Variants in LINGO1 observed in about 807,000 individuals in gnomAD.
LINGO1 encodes leucine rich repeat and Ig domain containing 1, also known as leucine-rich repeat and immunoglobulin-like domain-containing nogo receptor-interacting protein 1.
LINGO1 carries 11 observed loss-of-function variants against 37.3 expected under a neutral mutation model. The observed-to-expected ratio is 0.29, with a 90% CI of 0.19 to 0.49. The LOEUF is 0.49. Among genes scored for constraint, LINGO1 ranks in the 20% least tolerant of loss-of-function variants. The probability of loss-of-function intolerance (pLI) is 0.99; values close to 1 mark genes in which losing one functional copy is unlikely to be tolerated. For missense variants in LINGO1, 585 were observed against 878.2 expected, an observed-to-expected ratio of 0.67 and a Z score of 4.22; for synonymous variants, 387 against 403.0, an observed-to-expected ratio of 0.96 and a Z score of 0.48.
Position 77,614,155 on chromosome 15 carries a change from C to T in LINGO1, c.1752G>A (p.Arg584=), listed in dbSNP as rs372047736. Residue 584 remains arginine, a synonymous_variant, in exon 2 of 2, where the codon CGG becomes CGA. Coordinates refer to ENST00000355300, the MANE Select transcript of LINGO1 (RefSeq NM_032808.7). ...FCLVLLFLWS[R]GKGNTKHNIE... is the part of the protein sequence containing the mutation. ...TGTTGTGCTTTGTGTTGCCCTTGCCCCGGCTCCAGAGAAACAGCAGCACCA... is the reference window on the plus strand; with the variant it reads ...TGTTGTGCTTTGTGTTGCCCTTGCCTCGGCTCCAGAGAAACAGCAGCACCA... The T allele has an allele frequency of 1.7e-5, 28 of 1,613,858 alleles. No individual in the cohort carries two copies. Among genetic ancestry groups the T allele is most frequent in the Non-Finnish European group, 2.2e-5 (26 of 1,179,898 alleles).
At chr15:77,640,976 G>A (rs948894757) in intron 3 of LINGO1, among the ~76,000 whole-genome samples, 3 of 152,216 alleles carry the variant, frequency 2.0e-5, no homozygotes, top group Non-Finnish European at 4.4e-5. Context: ...GGGTGGGGCT[G>A]CACACACACA....
At chr15:77,791,840 G>A (rs766141922), upstream of LINGO1, among the ~76,000 whole-genome samples, 9 of 152,130 alleles carry the variant, frequency 5.9e-5, no homozygotes, top group Non-Finnish European at 1.2e-4. Flanking sequence ...GGGAGGAGCA[G>A]CTGGGAGGGC....
At chr15:77,779,207 A>G (rs75601117) in intron 1 of LINGO1, among the ~76,000 whole-genome samples, 1,862 of 152,042 alleles carry the variant, frequency 0.012, 39 homozygotes, top group African/African-American at 0.043. Flanking sequence ...TCTCCTTGAC[A>G]TGATCACTAC....
At chr15:77,714,944 G>A (rs974692543) in intron 2 of LINGO1, among the ~76,000 whole-genome samples, 1 of 152,202 alleles carries the variant, frequency 6.6e-6, no homozygotes, top group Admixed American at 6.5e-5. Context: ...TAGCCATAAC[G>A]TGCTAAAATT....
Position 77,794,580 on chromosome 15 carries a change from ATATATATATATTTTTT to A in LINGO1, c.-343+1343_-343+1358del, listed in dbSNP as rs1416903577. ...TATATATACACACACACATATATAT[ATATATATATATTTTTT>A]TTTTTTTTTGAGACGGAGTCTCGCT... On this transcript the variant is annotated intron_variant, in intron 2 of 5. Transcript: ENST00000562933. Among the ~76,000 whole-genome samples the A allele has an allele frequency of 1.4e-3, 38 of 26,732 alleles. 1 individual carries two copies. The highest frequency in any genetic ancestry group is 3.3e-3 in the Admixed American group (4 of 1,210). The allele number at this position is 26,732 out of a possible 152,430, so 17.5% of individuals were successfully genotyped here. A position where few individuals can be genotyped will look rare whatever the true frequency, so the allele number is the denominator to read the frequency against.
At chr15:77,736,155 TTAAC>T (rs1005205026) in intron 1 of LINGO1, among the ~76,000 whole-genome samples, 7 of 152,166 alleles carry the variant, frequency 4.6e-5, no homozygotes, top group East Asian at 1.9e-4. Flanking sequence ...GCATGAAACT[TTAAC>T]TGTGCATTTG....
At chr15:77,659,717 G>T (rs1264389562) in intron 3 of LINGO1, among the ~76,000 whole-genome samples, 1 of 152,196 alleles carries the variant, frequency 6.6e-6, no homozygotes, top group Non-Finnish European at 1.5e-5. Flanking sequence ...TCATTACCAT[G>T]GGGGGCTGGA....
upstream of LINGO1, among the ~76,000 whole-genome samples, chr15:77,638,441 C>G (rs1051663228): frequency 1.3e-5 from 2 of 152,214 alleles, no homozygotes; most frequent in African/African-American, 4.8e-5. Context: ...AGATCACTCC[C>G]TGGCTCCATG....
intron 1 of LINGO1, among the ~76,000 whole-genome samples, chr15:77,748,929 TTGGA>T (rs2076343693): frequency 7.4e-6 from 1 of 135,378 alleles, no homozygotes; most frequent in African/African-American, 2.7e-5. Context: ...TTTTTTTTTT[TTGGA>T]GTCTCGCTCT....
chr15:77,675,543 T>C (rs1366293593), intron 3 of LINGO1, among the ~76,000 whole-genome samples: 1 of 152,194 alleles, frequency 6.6e-6, no homozygotes, highest in Non-Finnish European at 1.5e-5. Context: ...TATGAGCCCA[T>C]GTTTTTCCTT....
chr15:77,719,104 G>A (rs1278696399), intron 2 of LINGO1, among the ~76,000 whole-genome samples: 3 of 150,130 alleles, frequency 2.0e-5, no homozygotes, highest in African/African-American at 4.8e-5. Flanking sequence ...TGGGGCCTCC[G>A]GGAGGGGGCC....
At chr15:77,621,739 T>G (rs1203617548) in intron 1 of LINGO1, among the ~76,000 whole-genome samples, 1 of 152,198 alleles carries the variant, frequency 6.6e-6, no homozygotes, top group Non-Finnish European at 1.5e-5. Context: ...GTACTCAGTG[T>G]TTTTCCACCA....
At chr15:77,664,170 T>TGTGTGCGCGCGCGTGCGC in intron 3 of LINGO1, among the ~76,000 whole-genome samples, 97 of 131,002 alleles carry the variant, frequency 7.4e-4, no homozygotes, top group Middle Eastern at 3.6e-3. Context: ...TGTGTGTGTG[T>TGTGTGCGCGCGCGTGCGC]GCGCGCGCGC....
chr15:77,646,251 C>G (rs1279980472), intron 3 of LINGO1: 1 of 297,658 alleles, frequency 3.4e-6, no homozygotes, highest in East Asian at 1.0e-4. Flanking sequence ...TGTGTCTGGT[C>G]CAGGCATTGT....
At chr15:77,650,565 G>A (rs916588488) in intron 3 of LINGO1, among the ~76,000 whole-genome samples, 1 of 152,128 alleles carries the variant, frequency 6.6e-6, no homozygotes, top group African/African-American at 2.4e-5. Context: ...GTTCAATCTA[G>A]GCAGGACCCT....
In LINGO1 at chr15:77,774,442, A is replaced by G. The variant is rs2076616827; in HGVS notation, c.-257+12427T>C. On this transcript the variant is annotated intron_variant, in intron 1 of 3. Coordinates refer to the LINGO1 transcript ENST00000561686. ...ATTCCACTCCCAGCCCCCAGACACC[A>G]CAAGCAGCGGGGCACCCTACAGGAG... Among the ~76,000 whole-genome samples, 3 of 152,092 alleles carry G rather than the reference A, an allele frequency of 2.0e-5. No individual in the cohort carries two copies. The South Asian group carries it at 6.3e-4, about 32-fold the overall frequency.
At chr15:77,619,098 G>C (rs190280047) in intron 1 of LINGO1, among the ~76,000 whole-genome samples, 1 of 152,232 alleles carries the variant, frequency 6.6e-6, no homozygotes, top group Admixed American at 6.5e-5. Flanking sequence ...TGAGCAAAGA[G>C]GGAAATATGC....
chr15:77,616,129 T>C (rs892433210), intron 1 of LINGO1, among the ~76,000 whole-genome samples: 1 of 152,036 alleles, frequency 6.6e-6, no homozygotes, highest in Non-Finnish European at 1.5e-5. Context: ...CCAGCATCCT[T>C]GGAATGGAGG....
At chr15:77,750,852 G>C (rs73455712) in intron 1 of LINGO1, among the ~76,000 whole-genome samples, 1,634 of 152,290 alleles carry the variant, frequency 0.011, 33 homozygotes, top group African/African-American at 0.038. Flanking sequence ...TCAGGGCTTG[G>C]TAAGTGCCAG....
Sources: allele counts gnomAD v4.1 joint callset (sites outside exome capture counted in the v4.1 genomes callset), GRCh38; gene constraint gnomAD v4.1.1; transcripts MANE v1.5; gene names NCBI Gene and HGNC (gene_info 2026-07-23, HGNC 2026-07-21).